The following SYNCRIP variants were observed in gnomAD, a reference collection of about 807,000 sequenced individuals.
The protein encoded by SYNCRIP is synaptotagmin binding cytoplasmic RNA interacting protein.
In SYNCRIP, 9 loss-of-function variants were observed where a neutral mutation model predicts 68.9. That is an observed-to-expected ratio of 0.13 (90% CI 0.08 to 0.23). SYNCRIP has a LOEUF of 0.23. Ranked by LOEUF, SYNCRIP falls within the 10% of genes least tolerant of loss-of-function variation. The pLI is 1.00. For synonymous variants in SYNCRIP, 258 were observed against 254.0 expected (o/e 1.02, Z -0.15); for missense variants, 414 against 770.6 (o/e 0.54, Z 5.48).
downstream of SYNCRIP, among the ~76,000 whole-genome samples, chr6:85,613,383 G>T (rs1199773169): frequency 2.0e-5 from 3 of 152,178 alleles, no homozygotes; most frequent in Non-Finnish European, 4.4e-5. Flanking sequence ...TTCAAGTCAT[G>T]TATTTTTCAC....
chr6:85,614,997 T>C lies in SYNCRIP; in HGVS notation c.1631A>G (p.Gln544Arg). 1 of 1,613,676 alleles carries C rather than the reference T, an allele frequency of 6.2e-7. No homozygotes were observed. The highest frequency in any genetic ancestry group is 1.3e-5 in the African/African-American group (1 of 74,994). ...ACCACGTACCCCGCGGCCTCTTTGTTGTTGGGCACCTCCTCTCGCACCTCG... is the reference window on the plus strand; with the variant it reads ...ACCACGTACCCCGCGGCCTCTTTGTCGTTGGGCACCTCCTCTCGCACCTCG... The part of the protein sequence containing the change: ...GVRGARGGAQ[Q>R]QRGRGVRGAR... Residue 544 changes from glutamine to arginine, a missense_variant, in exon 11 of 11, where the codon CAA (glutamine) becomes CGA (arginine). Around this residue, in one of 6 missense-constraint regions of SYNCRIP, gnomAD observed 130 missense variants for 149.0 expected, o/e 0.87. Coordinates refer to ENST00000369622, the MANE Select transcript of SYNCRIP (RefSeq NM_006372.5).
intron 6 of SYNCRIP, among the ~76,000 whole-genome samples, chr6:85,630,143 C>T (rs1258029377): frequency 2.0e-5 from 3 of 152,068 alleles, no homozygotes; most frequent in African/African-American, 7.2e-5. Flanking sequence ...AGGCGGATCA[C>T]GAGGTCAGGA....
intron 6 of SYNCRIP, among the ~76,000 whole-genome samples, chr6:85,624,648 G>C (rs1326248401): frequency 1.3e-5 from 2 of 152,118 alleles, no homozygotes; most frequent in Non-Finnish European, 2.9e-5. Context: ...TTATGAAGGA[G>C]AAAGAGAAGT....
intron 4 of SYNCRIP, among the ~76,000 whole-genome samples, chr6:85,639,883 A>C (rs1808926205): frequency 6.6e-6 from 1 of 152,114 alleles, no homozygotes; most frequent in African/African-American, 2.4e-5. Flanking sequence ...AAAAAAAGCC[A>C]GTTGCCAAAT....
intron 8 of SYNCRIP, among the ~76,000 whole-genome samples, chr6:85,621,047 CAAAGT>C (rs1806324133): frequency 6.6e-6 from 1 of 152,142 alleles, no homozygotes; most frequent in Admixed American, 6.5e-5. Flanking sequence ...GAAAGCTTCT[CAAAGT>C]AAAATTACAA....
At chr6:85,619,627 A>C (rs1260373380) in intron 8 of SYNCRIP, among the ~76,000 whole-genome samples, 1 of 152,216 alleles carries the variant, frequency 6.6e-6, no homozygotes, top group Non-Finnish European at 1.5e-5. Flanking sequence ...TGCTTTGCCA[A>C]AAAAGATATA....
chr6:85,616,800 A>C (rs1805826861), intron 10 of SYNCRIP, among the ~76,000 whole-genome samples: 1 of 152,160 alleles, frequency 6.6e-6, no homozygotes, highest in Non-Finnish European at 1.5e-5. Flanking sequence ...ATTTCTAAAT[A>C]GTTCTCACCA....
intron 6 of SYNCRIP, among the ~76,000 whole-genome samples, chr6:85,631,035 C>G (rs949539945): frequency 6.6e-6 from 1 of 152,100 alleles, no homozygotes; most frequent in African/African-American, 2.4e-5. Flanking sequence ...CAGAAGGCAG[C>G]CTTAAAATGA....
chr6:85,620,447 A>C (rs1158566103), intron 8 of SYNCRIP, among the ~76,000 whole-genome samples: 1 of 152,222 alleles, frequency 6.6e-6, no homozygotes, highest in African/African-American at 2.4e-5. Context: ...GTATGGTTCC[A>C]ACTATGTAAC....
chr6:85,642,146 G>A (rs1383394116), intron 1 of SYNCRIP, among the ~76,000 whole-genome samples: 1 of 152,206 alleles, frequency 6.6e-6, no homozygotes, highest in Non-Finnish European at 1.5e-5. Context: ...CCAGAAAGCT[G>A]CAGCAGCACA....
At chr6:85,609,440 T>C (rs1283357013), downstream of SYNCRIP, 2 of 151,948 alleles carry the variant, frequency 1.3e-5, no homozygotes, top group African/African-American at 4.8e-5. Context: ...TCCATTTCTA[T>C]GTTGTTCCTA....
At chr6:85,631,339 CAAA>C (rs71003000) in intron 6 of SYNCRIP, among the ~76,000 whole-genome samples, 8 of 91,804 alleles carry the variant, frequency 8.7e-5, no homozygotes, top group South Asian at 4.3e-4. Flanking sequence ...ACTGTGTCTC[CAAA>C]AAAAAAAAAA....
intron 1 of SYNCRIP, among the ~76,000 whole-genome samples, chr6:85,642,375 G>A (rs1206023629): frequency 1.3e-5 from 2 of 152,270 alleles, no homozygotes; most frequent in East Asian, 3.9e-4. Context: ...CGCCTGCCCG[G>A]CAACCCAGCA....
At chr6:85,619,060 T>C in intron 9 of SYNCRIP, 121 bp from the exon 10 acceptor site, 1 of 1,191,020 alleles carries the variant, frequency 8.4e-7, no homozygotes, top group East Asian at 2.4e-5. Flanking sequence ...ATGCAGGCAG[T>C]CAAATAATTT....
intron 7 of SYNCRIP, 121 bp from the exon 8 acceptor site, chr6:85,622,808 C>G: frequency 1.3e-6 from 1 of 774,678 alleles, no homozygotes; most frequent in South Asian, 1.8e-5. Context: ...CTTTCCTTCA[C>G]TAGACATCTT....
chr6:85,613,008 A>C (rs1805363610), downstream of SYNCRIP: 1 of 1,460,272 alleles, frequency 6.8e-7, no homozygotes, highest in African/African-American at 1.4e-5. Flanking sequence ...TTAAAAAGAC[A>C]AGCCTTAACA....
At chr6:85,634,698 C>T (rs1294461317) in intron 6 of SYNCRIP, among the ~76,000 whole-genome samples, 1 of 152,030 alleles carries the variant, frequency 6.6e-6, no homozygotes, top group Non-Finnish European at 1.5e-5. Flanking sequence ...AGTTATGATA[C>T]CTCATTGCTT....
At chr6:85,616,228 G>T (rs1020948350) in intron 10 of SYNCRIP, among the ~76,000 whole-genome samples, 1 of 152,152 alleles carries the variant, frequency 6.6e-6, no homozygotes, top group African/African-American at 2.4e-5. Context: ...AAAACTTAGT[G>T]ATTATTTTGA....
Position 85,614,829 on chromosome 6 carries a change from T to A in SYNCRIP, c.1799A>T (p.His600Leu), listed in dbSNP as rs147197492. ...AGATTTGTAACCATAGTTACCAGAA[T>A]GATCACCACCTTGGAGCGGTTGCTG... ...IAQQPLQGGD[H>L]SGNYGYKSEN... is the part of the protein sequence containing the mutation. The change falls in exon 11 of 11, where the codon CAT (histidine) becomes CTT (leucine). Residue 600 changes from histidine to leucine, a missense_variant. By Grantham distance (99) the His-to-Leu change is moderately conservative. This residue lies in a region of SYNCRIP where 130 missense variants were observed against 149.0 expected (regional missense o/e 0.87). Coordinates refer to ENST00000369622, the MANE Select transcript of SYNCRIP (RefSeq NM_006372.5). The A allele has an allele frequency of 1.2e-5, 20 of 1,613,642 alleles. No individual in the cohort carries two copies. The highest frequency in any genetic ancestry group is 8.5e-7 in the Non-Finnish European group (1 of 1,179,936).
Sources: allele counts gnomAD v4.1 joint callset (sites outside exome capture counted in the v4.1 genomes callset), GRCh38; gene constraint gnomAD v4.1.1; regional missense constraint gnomAD v4.1.1; transcripts MANE v1.5; gene names NCBI Gene and HGNC (gene_info 2026-07-23, HGNC 2026-07-21).